Variants in PPP1R9A observed in about 807,000 individuals in gnomAD.
PPP1R9A encodes protein phosphatase 1 regulatory subunit 9A, also known as neurabin-1.
Under a neutral mutation model 141.9 loss-of-function variants are expected in PPP1R9A, and 59 were observed. That is an observed-to-expected ratio of 0.42 (90% CI 0.34 to 0.52). PPP1R9A has a LOEUF of 0.52. Ranked by LOEUF, PPP1R9A falls within the 20% of genes least tolerant of loss-of-function variation. PPP1R9A has a pLI of 0.10. For missense variants in PPP1R9A, 1,444 were observed against 1,611.9 expected, an observed-to-expected ratio of 0.90 and a Z score of 1.78; for synonymous variants, 500 against 569.7, an observed-to-expected ratio of 0.88 and a Z score of 1.74.
intron 8 of PPP1R9A, 28 bp downstream of exon 8, chr7:95,226,144 T>G: frequency 6.3e-7 from 1 of 1,589,976 alleles, no homozygotes. Flanking sequence ...AAAATATTTC[T>G]TTATGCCTGT....
intron 6 of PPP1R9A, among the ~76,000 whole-genome samples, chr7:95,200,269 C>CTT (rs761784471): frequency 1.5e-4 from 21 of 144,064 alleles, no homozygotes; most frequent in South Asian, 4.4e-4. Context: ...AAATTTTGCT[C>CTT]TTTTTTTTTT....
chr7:95,023,827 C>A (rs907393589), intron 2 of PPP1R9A, among the ~76,000 whole-genome samples: 16 of 152,294 alleles, frequency 1.1e-4, no homozygotes, highest in African/African-American at 3.8e-4. Flanking sequence ...GTTGGGATTA[C>A]AGGCGTGAGC....
chr7:95,040,191 A>G (rs1447546703), intron 2 of PPP1R9A, among the ~76,000 whole-genome samples: 5 of 152,206 alleles, frequency 3.3e-5, no homozygotes, highest in Non-Finnish European at 7.3e-5. Context: ...AAGATAATAC[A>G]GATAAATAAG....
chr7:95,199,638 T>A (rs935442935), intron 6 of PPP1R9A, among the ~76,000 whole-genome samples: 11 of 152,212 alleles, frequency 7.2e-5, no homozygotes, highest in Non-Finnish European at 1.5e-4. Flanking sequence ...TTAGAAATCC[T>A]TTAAATGAAT....
intron 2 of PPP1R9A, among the ~76,000 whole-genome samples, chr7:94,964,333 A>T (rs2151156552): frequency 6.6e-6 from 1 of 152,062 alleles, no homozygotes; most frequent in African/African-American, 2.4e-5. Flanking sequence ...TATTTGAAAG[A>T]TTAATTTTAC....
At chr7:95,004,590 T>C (rs1803353839) in intron 2 of PPP1R9A, among the ~76,000 whole-genome samples, 1 of 152,226 alleles carries the variant, frequency 6.6e-6, no homozygotes, top group Non-Finnish European at 1.5e-5. Context: ...ATATCAATTC[T>C]GGATACTACG....
intron 2 of PPP1R9A, among the ~76,000 whole-genome samples, chr7:95,009,045 G>A (rs575027701): frequency 1.7e-4 from 26 of 152,092 alleles, no homozygotes; most frequent in African/African-American, 2.7e-4. Flanking sequence ...GCAAACTATC[G>A]CAAGGACAGA....
intron 2 of PPP1R9A, among the ~76,000 whole-genome samples, chr7:94,934,787 T>C (rs1416647905): frequency 8.3e-6 from 1 of 120,834 alleles, no homozygotes; most frequent in African/African-American, 2.7e-5. Flanking sequence ...TTAAAAGCTT[T>C]TATCAAATGT....
chr7:95,079,129 T>A (rs1194025120), intron 2 of PPP1R9A, among the ~76,000 whole-genome samples: 1 of 152,222 alleles, frequency 6.6e-6, no homozygotes, highest in Non-Finnish European at 1.5e-5. Context: ...AACGTTTAAG[T>A]CTTTAATCCG....
At position 95,025,735 on chromosome 7, in the gene PPP1R9A, A is replaced by C. The variant is rs150698420; in HGVS notation, c.1396-85524A>C. ...AATCAACCATAGATTTGGTCTTTTCACATAGTCCCATATTTCTTGGAGGCT... is the reference window on the plus strand; with the variant it reads ...AATCAACCATAGATTTGGTCTTTTCCCATAGTCCCATATTTCTTGGAGGCT... On this transcript the variant is annotated intron_variant, in intron 2 of 19. Coordinates refer to ENST00000433360, the MANE Select transcript of PPP1R9A (RefSeq NM_001166160.2). Among the ~76,000 whole-genome samples, 636 of 152,180 alleles carry C rather than the reference A, an allele frequency of 4.2e-3. 4 individuals are homozygous for C. The highest frequency in any genetic ancestry group is 0.015 in the African/African-American group (620 of 41,504).
intron 2 of PPP1R9A, among the ~76,000 whole-genome samples, chr7:95,028,148 GTCTT>G (rs1028120432): frequency 1.3e-5 from 2 of 152,098 alleles, no homozygotes; most frequent in African/African-American, 4.8e-5. Context: ...GGATAAATGA[GTCTT>G]TCAGGATTCA....
intron 8 of PPP1R9A, among the ~76,000 whole-genome samples, chr7:95,241,462 T>C (rs1482286403): frequency 2.0e-5 from 3 of 152,198 alleles, no homozygotes; most frequent in Non-Finnish European, 4.4e-5. Flanking sequence ...TTCAACTTCA[T>C]GACTCTTTTA....
intron 2 of PPP1R9A, among the ~76,000 whole-genome samples, chr7:95,079,931 C>T (rs1348927768): frequency 1.2e-4 from 18 of 152,204 alleles, no homozygotes; most frequent in East Asian, 5.8e-4. Context: ...ATTGATGGGA[C>T]GTATCTCAAA....
intron 3 of PPP1R9A, 127 bp from the exon 4 acceptor site, chr7:95,120,585 A>C: frequency 9.6e-7 from 1 of 1,036,958 alleles, no homozygotes; most frequent in Non-Finnish European, 1.4e-6. Context: ...CTGCTAAAGC[A>C]AGCATGTTAT....
intron 12 of PPP1R9A, among the ~76,000 whole-genome samples, chr7:95,268,341 A>G (rs1345603683): frequency 6.6e-6 from 1 of 152,012 alleles, no homozygotes; most frequent in African/African-American, 2.4e-5. Context: ...CGCCTTCATC[A>G]TCTTTAGTGT....
At chr7:95,101,194 A>G (rs1563236636) in intron 2 of PPP1R9A, among the ~76,000 whole-genome samples, 1 of 152,154 alleles carries the variant, frequency 6.6e-6, no homozygotes, top group Non-Finnish European at 1.5e-5. Flanking sequence ...ACTTAAAATG[A>G]GGTGAAACGT....
intron 2 of PPP1R9A, among the ~76,000 whole-genome samples, chr7:94,952,216 T>C (rs983026246): frequency 3.3e-5 from 5 of 152,124 alleles, no homozygotes; most frequent in Non-Finnish European, 7.3e-5. Context: ...TGGTTTTCTG[T>C]CCCTGTGTTA....
rs575843331 is a variant in PPP1R9A at position 95,244,849 on chromosome 7, C to T, written c.2113-2624C>T. Among the ~76,000 whole-genome samples the T allele has an allele frequency of 2.6e-5, 4 of 152,188 alleles. No homozygotes were observed. In the East Asian group the frequency reaches 7.7e-4, roughly 29 times the overall value. On this transcript the variant is annotated intron_variant, in intron 8 of 19. Transcript: ENST00000433360. Reference sequence around the variant, plus strand: ...TATATGCTAGCCACTGTGCTAAGTGCTTTATATGGGTTTTATCACTTAATC... The same window carrying T: ...TATATGCTAGCCACTGTGCTAAGTGTTTTATATGGGTTTTATCACTTAATC...
intron 2 of PPP1R9A, among the ~76,000 whole-genome samples, chr7:95,070,821 T>C (rs1292079006): frequency 1.3e-5 from 2 of 151,772 alleles, no homozygotes; most frequent in Non-Finnish European, 2.9e-5. Flanking sequence ...ACTTTGTTCT[T>C]TCAAGAGTAT....
Sources: gnomAD v4.1 joint callset for allele counts (sites outside exome capture counted in the v4.1 genomes callset) on GRCh38, gnomAD v4.1.1 for gene constraint, MANE v1.5 for transcripts, NCBI Gene and HGNC (gene_info 2026-07-23, HGNC 2026-07-21) for gene names.